Variants in OPA3 observed in about 807,000 individuals in gnomAD.
OPA3 encodes outer mitochondrial membrane lipid metabolism regulator OPA3, also known as optic atrophy 3 protein.
OPA3 carries 6 observed loss-of-function variants against 4.0 expected under a neutral mutation model. The ratio of observed to expected loss-of-function variants is 1.51; its 90% confidence interval spans 0.83 to 2.99. The LOEUF is 2.99. Among genes scored for constraint, OPA3 ranks in the 30% most tolerant of loss-of-function variants. The pLI is 0.00. For missense variants in OPA3, 235 were observed against 256.2 expected (o/e 0.92, Z 0.56); for synonymous variants, 105 against 117.1 (o/e 0.90, Z 0.67).
At chr19:45,583,491 C>T (rs1354897237) in intron 1 of OPA3, among the ~76,000 whole-genome samples, 3 of 150,198 alleles carry the variant, frequency 2.0e-5, no homozygotes, top group Non-Finnish European at 1.5e-5. Flanking sequence ...TGGGTGTTTA[C>T]TAAGCCCTTT....
At position 45,552,965 on chromosome 19, in the gene OPA3, C is replaced by T. The variant is rs566396414; in HGVS notation, c.*549G>A. On this transcript the variant is annotated 3_prime_UTR_variant, in exon 2 of 2. Coordinates refer to ENST00000263275, the MANE Select transcript of OPA3 (RefSeq NM_025136.4). ...TGCTAGGATTACAGGCGTGAGCCAC[C>T]GCTCCCAGCCGCACCGTTTTTTTCC... is the stretch of plus-strand genomic sequence containing the variant. 5.0e-6 allele frequency: 5 copies of T among 990,552 alleles called. No individual in the cohort carries two copies. Among genetic ancestry groups the T allele is most frequent in the South Asian group, 4.6e-5 (1 of 21,784 alleles). The allele number at this position is 990,552 out of a possible 1,614,324, so 61.4% of individuals were successfully genotyped here.
At chr19:45,545,949 A>C (rs557098836), downstream of OPA3, among the ~76,000 whole-genome samples, 1 of 151,964 alleles carries the variant, frequency 6.6e-6, no homozygotes, top group African/African-American at 2.4e-5. Flanking sequence ...CCTGAGATTA[A>C]GCAATCCTCC....
chr19:45,539,733 G>A (rs1483600848), intron 1 of OPA3, among the ~76,000 whole-genome samples: 2 of 150,198 alleles, frequency 1.3e-5, no homozygotes, highest in African/African-American at 2.5e-5. Flanking sequence ...CAGCCTGGGC[G>A]ACAGAGCCAG....
chr19:45,533,549 G>C (rs865783497), intron 1 of OPA3, among the ~76,000 whole-genome samples: 4 of 152,182 alleles, frequency 2.6e-5, no homozygotes, highest in Non-Finnish European at 5.9e-5. Context: ...GATGTACGTT[G>C]TTTCCTTTTA....
At chr19:45,582,870 C>G (rs1969876822) in intron 1 of OPA3, among the ~76,000 whole-genome samples, 1 of 152,314 alleles carries the variant, frequency 6.6e-6, no homozygotes, top group African/African-American at 2.4e-5. Flanking sequence ...CCTACAAAGG[C>G]AATCCAGTCG....
chr19:45,538,790 G>A (rs1969150972), intron 1 of OPA3, among the ~76,000 whole-genome samples: 1 of 151,784 alleles, frequency 6.6e-6, no homozygotes, highest in African/African-American at 2.4e-5. Flanking sequence ...AATTCACAAT[G>A]AGATGCCATT....
intron 1 of OPA3, among the ~76,000 whole-genome samples, chr19:45,581,333 T>C (rs1376442904): frequency 6.6e-6 from 1 of 152,144 alleles, no homozygotes; most frequent in African/African-American, 2.4e-5. Context: ...ACTCCCTTAA[T>C]CATGTGGGCT....
chr19:45,568,090 C>T (rs756927762), intron 1 of OPA3, among the ~76,000 whole-genome samples: 6 of 152,116 alleles, frequency 3.9e-5, no homozygotes, highest in African/African-American at 7.2e-5. Context: ...CCTGAGCCTC[C>T]AAAGGTCAAG....
chr19:45,567,339 C>CA (rs749982867), intron 1 of OPA3, among the ~76,000 whole-genome samples: 7,710 of 60,376 alleles, frequency 0.13, 644 homozygotes, highest in African/African-American at 0.28. Flanking sequence ...GACCCTGTGT[C>CA]AAAAAAAAAA....
chr19:45,544,795 A>AAAATAAATAAATAAAT (rs200192671), downstream of OPA3, among the ~76,000 whole-genome samples: 2,301 of 140,698 alleles, frequency 0.016, 17 homozygotes, highest in African/African-American at 0.017. Context: ...ACTCCGTCTC[A>AAAATAAATAAATAAAT]AAATAAATAA....
intron 1 of OPA3, among the ~76,000 whole-genome samples, chr19:45,577,399 G>A (rs1969785193): frequency 1.3e-5 from 2 of 152,206 alleles, no homozygotes. Context: ...AATCACCATG[G>A]CTGGGGGCCA....
rs757297634 is a variant in OPA3 at position 45,553,802 on chromosome 19, C to T, written c.252G>A (p.Leu84=). The T allele has an allele frequency of 1.9e-6, 3 of 1,613,194 alleles. No homozygotes were observed. Among genetic ancestry groups the T allele is most frequent in the African/African-American group, 2.7e-5 (2 of 74,938 alleles). ...CCACGATGAAGATGGTGGCTTCGCC[C>T]AGCAGCTCTGCGCCCAGCTCAGCTG... is the stretch of plus-strand genomic sequence containing the variant. ...EAAAELGAEL[L]GEATIFIVGG... The change falls in exon 2 of 2, where the codon CTG becomes CTA. Residue 84 remains leucine (L), a synonymous_variant. Coordinates refer to ENST00000263275, the MANE Select transcript of OPA3 (RefSeq NM_025136.4).
In OPA3 at chr19:45,551,629, T is replaced by C. The variant is rs1156944555; in HGVS notation, c.*1885A>G. On this transcript the variant is annotated 3_prime_UTR_variant, in exon 2 of 2. Coordinates refer to ENST00000263275, the MANE Select transcript of OPA3 (RefSeq NM_025136.4). ...CAGAACTGTGTGAATTAAATTCCTG[T>C]TGGACTTAAGCCATCAAGTTCACCA... is the stretch of plus-strand genomic sequence containing the variant. 1 of 828,150 alleles carries C rather than the reference T, an allele frequency of 1.2e-6. No individual in the cohort carries two copies. Among genetic ancestry groups the C allele is most frequent in the Admixed American group, 6.2e-5 (1 of 16,014 alleles). The allele number at this position is 828,150 out of a possible 1,614,324, so 51.3% of individuals were successfully genotyped here. A position where few individuals can be genotyped will look rare whatever the true frequency, so the allele number is the denominator to read the frequency against.
chr19:45,529,806 C>T (rs1969039218), intron 1 of OPA3, among the ~76,000 whole-genome samples: 1 of 152,206 alleles, frequency 6.6e-6, no homozygotes, highest in Admixed American at 6.5e-5. Flanking sequence ...TCACAGCTTA[C>T]TGCAGCCTCG....
chr19:45,546,824 C>T lies in OPA3; in HGVS notation c.*6690G>A, dbSNP rs1969256116. On this transcript the variant is annotated 3_prime_UTR_variant, in exon 2 of 2. Transcript: ENST00000263275. The stretch of plus-strand genomic sequence containing the variant: ...GGGATTACAGATGTGCACCACCACA[C>T]CCGGCTAATTTTTGTATTCTTTTTA... 1.3e-5 allele frequency: 2 copies of T among 152,150 alleles called. No homozygotes were observed. Among genetic ancestry groups the T allele is most frequent in the African/African-American group, 2.4e-5 (1 of 41,424 alleles). The allele number at this position is 152,150 out of a possible 1,614,324, so 9.4% of individuals were successfully genotyped here.
intron 1 of OPA3, among the ~76,000 whole-genome samples, chr19:45,567,393 A>C (rs982067026): frequency 1.3e-5 from 2 of 151,892 alleles, no homozygotes; most frequent in Non-Finnish European, 2.9e-5. Flanking sequence ...TACATTCAGC[A>C]AGAAGTATCT....
chr19:45,563,357 ACC>A (rs2122469333), intron 1 of OPA3, among the ~76,000 whole-genome samples: 1 of 151,126 alleles, frequency 6.6e-6, no homozygotes, highest in Admixed American at 6.6e-5. Context: ...ACGGGGTTTC[ACC>A]GTGTTAGCCA....
rs1969290373 is a variant in OPA3 at position 45,548,834 on chromosome 19, C to T, written c.*4680G>A. 1 of 585,660 alleles carries T rather than the reference C, an allele frequency of 1.7e-6. No individual in the cohort carries two copies. The highest frequency in any genetic ancestry group is 2.1e-6 in the Non-Finnish European group (1 of 473,288). The allele number at this position is 585,660 out of a possible 1,614,324, so 36.3% of individuals were successfully genotyped here. A position where few individuals can be genotyped will look rare whatever the true frequency, so the allele number is the denominator to read the frequency against. On this transcript the variant is annotated 3_prime_UTR_variant, in exon 2 of 2. Coordinates refer to ENST00000263275, the MANE Select transcript of OPA3 (RefSeq NM_025136.4). ...ATTTATTTATTTAGAGATGAAGTCTCGCTCTGTCACCCAGGCTGGAGTATA... is the reference window on the plus strand; with the variant it reads ...ATTTATTTATTTAGAGATGAAGTCTTGCTCTGTCACCCAGGCTGGAGTATA...
intron 1 of OPA3, among the ~76,000 whole-genome samples, chr19:45,537,775 G>A (rs1446682920): frequency 6.6e-6 from 1 of 152,054 alleles, no homozygotes; most frequent in African/African-American, 2.4e-5. Flanking sequence ...AGAGCAGGGA[G>A]GGAGAATGAC....
Sources: allele counts gnomAD v4.1 joint callset (sites outside exome capture counted in the v4.1 genomes callset), GRCh38; gene constraint gnomAD v4.1.1; transcripts MANE v1.5; gene names NCBI Gene and HGNC (gene_info 2026-07-23, HGNC 2026-07-21).